FAF1: variants seen among roughly 807,000 people sequenced by gnomAD.
The protein encoded by FAF1 is FAS-associated factor 1.
In FAF1, 25 loss-of-function variants were observed where a neutral mutation model predicts 92.5. The observed-to-expected ratio is 0.27, with a 90% confidence interval of 0.20 to 0.38. The LOEUF (loss-of-function observed/expected upper bound fraction) is 0.38, where lower values mean the gene tolerates loss of function less well. FAF1 is among the 10% of genes least tolerant of loss of function. The probability of loss-of-function intolerance (pLI) is 1.00; values close to 1 mark genes in which losing one functional copy is unlikely to be tolerated. For synonymous variants in FAF1, 234 were observed against 273.2 expected (o/e 0.86, Z 1.42); for missense variants, 636 against 793.3 (o/e 0.80, Z 2.38).
chr1:50,696,218 A>C (rs1657217571), intron 7 of FAF1, among the ~76,000 whole-genome samples: 1 of 152,042 alleles, frequency 6.6e-6, no homozygotes, highest in African/African-American at 2.4e-5. Flanking sequence ...CCTCTCCCAA[A>C]ATACATAAAA....
chr1:50,759,865 C>T (rs571683083), intron 4 of FAF1, among the ~76,000 whole-genome samples: 36 of 152,308 alleles, frequency 2.4e-4, no homozygotes, highest in African/African-American at 7.9e-4. Context: ...GAGATGGTAA[C>T]TCATTGTGGT....
At chr1:50,795,266 G>A (rs1661707019) in intron 3 of FAF1, among the ~76,000 whole-genome samples, 2 of 152,302 alleles carry the variant, frequency 1.3e-5, no homozygotes, top group South Asian at 4.2e-4. Flanking sequence ...TCATGGAGGG[G>A]GCAGTGATCT....
intron 1 of FAF1, among the ~76,000 whole-genome samples, chr1:50,940,145 C>G (rs960249296): frequency 1.3e-5 from 2 of 152,158 alleles, no homozygotes; most frequent in African/African-American, 4.8e-5. Flanking sequence ...CTCCTGAGCT[C>G]AAGCAATCTG....
intron 15 of FAF1, 37 bp downstream of exon 15, chr1:50,535,332 C>A (rs752894904): frequency 2.3e-6 from 3 of 1,309,286 alleles, no homozygotes; most frequent in African/African-American, 2.9e-5. Flanking sequence ...CTATTAAAAT[C>A]TCATCAAAAT....
At chr1:50,489,954 C>T (rs1455596291) in intron 17 of FAF1, among the ~76,000 whole-genome samples, 1 of 152,130 alleles carries the variant, frequency 6.6e-6, no homozygotes, top group African/African-American at 2.4e-5. Flanking sequence ...AGTACAAGAT[C>T]AAGTTTTCTA....
intron 1 of FAF1, among the ~76,000 whole-genome samples, chr1:50,948,687 C>A (rs1004022956): frequency 5.9e-5 from 9 of 152,044 alleles, no homozygotes; most frequent in African/African-American, 2.2e-4. Context: ...TGCACGCCAC[C>A]ATACCCAGCT....
intron 16 of FAF1, 62 bp downstream of exon 16, chr1:50,491,659 G>T: frequency 8.5e-7 from 1 of 1,178,256 alleles, no homozygotes; most frequent in Non-Finnish European, 1.2e-6. Flanking sequence ...AAGTGATAAA[G>T]GTTGGCATTT....
At chr1:50,457,725 A>C (rs1271838901) in intron 18 of FAF1, among the ~76,000 whole-genome samples, 1 of 29,948 alleles carries the variant, frequency 3.3e-5, no homozygotes, top group Non-Finnish European at 1.4e-4. Flanking sequence ...CCATCTCTGC[A>C]AAAAAAAAAA....
At chr1:50,786,985 A>G (rs1380449524) in intron 4 of FAF1, among the ~76,000 whole-genome samples, 3 of 152,356 alleles carry the variant, frequency 2.0e-5, no homozygotes, top group Non-Finnish European at 4.4e-5. Context: ...AAAATTCTAC[A>G]AGGATCTCCC....
chr1:50,773,595 C>T (rs1569924317), intron 4 of FAF1, among the ~76,000 whole-genome samples: 1 of 152,158 alleles, frequency 6.6e-6, no homozygotes, highest in African/African-American at 2.4e-5. Flanking sequence ...ATATCACACA[C>T]ATGCTCTCAC....
At chr1:50,710,252 T>C (rs1211715880) in intron 6 of FAF1, among the ~76,000 whole-genome samples, 2 of 152,184 alleles carry the variant, frequency 1.3e-5, no homozygotes, top group Admixed American at 6.5e-5. Flanking sequence ...TGTAATAACT[T>C]TGCAAACAGG....
chr1:50,488,858 C>T (rs541765927), intron 17 of FAF1, among the ~76,000 whole-genome samples: 17 of 152,342 alleles, frequency 1.1e-4, no homozygotes, highest in African/African-American at 4.1e-4. Flanking sequence ...ACACAGAAGA[C>T]ATTCAACAAA....
chr1:50,525,674 T>C (rs1417737323), intron 15 of FAF1, among the ~76,000 whole-genome samples: 4 of 152,336 alleles, frequency 2.6e-5, no homozygotes, highest in Non-Finnish European at 5.9e-5. Context: ...GAGTACGATG[T>C]TGGCTGTGGG....
intron 2 of FAF1, among the ~76,000 whole-genome samples, chr1:50,837,188 C>A (rs2124640218): frequency 6.6e-6 from 1 of 152,148 alleles, no homozygotes; most frequent in South Asian, 2.1e-4. Flanking sequence ...GATCTCCTGA[C>A]CTCGTGATCT....
rs1569803727 is a variant in FAF1, at chr1:50,705,708, C to G, written c.657+78G>C. 9 of 741,300 alleles carry G rather than the reference C, an allele frequency of 1.2e-5. No individual in the cohort carries two copies. In the Admixed American group the frequency reaches 2.2e-4, roughly 18 times the overall value. 45.9% of individuals were successfully genotyped at this position (741,300 alleles called of 1,614,324 possible). ...ACATAAAGAGAATTTCCAACCAGAA[C>G]AGATAAGCCCTCTTTAACAGGGTCA... On this transcript the variant is annotated intron_variant, in intron 7 of 18. Coordinates refer to ENST00000396153, the MANE Select transcript of FAF1 (RefSeq NM_007051.3).
At chr1:50,567,293 T>G (rs1650219056) in intron 12 of FAF1, 62 bp from the exon 13 acceptor site, 11 of 1,298,320 alleles carry the variant, frequency 8.5e-6, no homozygotes, top group Non-Finnish European at 1.1e-5. Context: ...TTCTTAAATT[T>G]TAGAGAGGCA....
At position 50,779,991 on chromosome 1, in the gene FAF1, GACACACAC is replaced by G. The variant is rs57528056; in HGVS notation, c.367+8001_367+8008del. The stretch of plus-strand genomic sequence containing the variant: ...ACAAGCACACATGCACAGACAGACA[GACACACAC>G]ACACACACACACACACACACACAGA... On this transcript the variant is annotated intron_variant, in intron 4 of 18. Transcript: ENST00000396153. Among the ~76,000 whole-genome samples the G allele has an allele frequency of 4.6e-3, 676 of 145,530 alleles. 7 individuals are homozygous for G. Among genetic ancestry groups the G allele is most frequent in the African/African-American group, 0.016 (636 of 39,382 alleles).
chr1:50,955,607 A>C (rs140909239), intron 1 of FAF1, among the ~76,000 whole-genome samples: 1,570 of 152,346 alleles, frequency 0.01, 108 homozygotes, highest in Admixed American at 0.096. Context: ...AAATAGAATG[A>C]CTATGTGATC....
intron 2 of FAF1, among the ~76,000 whole-genome samples, chr1:50,806,801 T>C (rs2124599759): frequency 6.6e-6 from 1 of 152,238 alleles, no homozygotes; most frequent in East Asian, 1.9e-4. Context: ...ACAAAGGAAG[T>C]GACTTCACTG....
Sources: allele counts gnomAD v4.1 joint callset (sites outside exome capture counted in the v4.1 genomes callset), GRCh38; gene constraint gnomAD v4.1.1; transcripts MANE v1.5; gene names NCBI Gene and HGNC (gene_info 2026-07-23, HGNC 2026-07-21).